The following UBAC2 variants were observed in gnomAD, a reference collection of about 807,000 sequenced individuals.
The protein encoded by UBAC2 is UBA domain containing 2.
In UBAC2, 26 loss-of-function variants were observed where a neutral mutation model predicts 44.0. The ratio of observed to expected loss-of-function variants is 0.59; its 90% CI spans 0.43 to 0.82. The LOEUF (loss-of-function observed/expected upper bound fraction) is 0.82. Among genes scored for constraint, UBAC2 ranks in the 40% least tolerant of loss-of-function variants. The probability of loss-of-function intolerance (pLI) is 0.00; values close to 1 mark genes in which losing one functional copy is unlikely to be tolerated. For missense variants in UBAC2, 329 were observed against 419.4 expected, an observed-to-expected ratio of 0.78 and a Z score of 1.88; for synonymous variants, 155 against 154.3, an observed-to-expected ratio of 1.00 and a Z score of -0.04.
At position 99,355,033 on chromosome 13, in the gene UBAC2, A is replaced by G. The variant is rs1348688354; in HGVS notation, c.808-12754A>G. 6.6e-5 allele frequency among the ~76,000 whole-genome samples: 10 copies of G among 152,224 alleles called. No homozygotes were observed. The East Asian group carries it at 1.9e-3, about 29-fold the overall frequency. On this transcript the variant is annotated intron_variant, in intron 7 of 8. Coordinates refer to ENST00000403766, the MANE Select transcript of UBAC2 (RefSeq NM_001144072.2). ...GCAGATAGGCAAGTGCGGGAATGAG[A>G]CTCAGGTGGTCACTGAAGACATGAA...
At chr13:99,254,977 CTA>C in intron 4 of UBAC2, 1 of 1,614,058 alleles carries the variant, frequency 6.2e-7, no homozygotes, top group East Asian at 2.2e-5. Context: ...TAGCATGACA[CTA>C]ATGACTCGAG....
At chr13:99,372,598 AAGAC>A (rs1025836495) in intron 8 of UBAC2, 1 of 152,320 alleles carries the variant, frequency 6.6e-6, no homozygotes, top group African/African-American at 2.4e-5. Context: ...CTGCTGGAGA[AAGAC>A]AGGTGGCGTC....
intron 4 of UBAC2, among the ~76,000 whole-genome samples, chr13:99,251,469 A>G (rs2043457326): frequency 1.3e-5 from 2 of 152,178 alleles, no homozygotes; most frequent in Non-Finnish European, 2.9e-5. Context: ...TACTGTCATT[A>G]TTATCCCAGT....
chr13:99,227,209 A>C (rs7322387), intron 1 of UBAC2, among the ~76,000 whole-genome samples: 38,200 of 151,608 alleles, frequency 0.25, 6,022 homozygotes, highest in Non-Finnish European at 0.35. Flanking sequence ...AAAAAAAAAA[A>C]AACAACAAAA....
At chr13:99,293,378 T>C (rs1278521586) in intron 4 of UBAC2, among the ~76,000 whole-genome samples, 1 of 152,156 alleles carries the variant, frequency 6.6e-6, no homozygotes, top group Admixed American at 6.5e-5. Context: ...TCTACTCCAG[T>C]GTAGTCACAG....
At chr13:99,261,137 T>C (rs767998124) in intron 4 of UBAC2, among the ~76,000 whole-genome samples, 1 of 152,224 alleles carries the variant, frequency 6.6e-6, no homozygotes, top group Non-Finnish European at 1.5e-5. Flanking sequence ...AGCTTATCCT[T>C]GTTGCCTCCC....
At chr13:99,264,530 C>T (rs2043715060) in intron 4 of UBAC2, among the ~76,000 whole-genome samples, 1 of 152,054 alleles carries the variant, frequency 6.6e-6, no homozygotes, top group South Asian at 2.1e-4. Flanking sequence ...TTAAATTTTT[C>T]CTGTCTTTAG....
intron 7 of UBAC2, among the ~76,000 whole-genome samples, chr13:99,352,612 T>A (rs1168544993): frequency 6.6e-6 from 1 of 151,506 alleles, no homozygotes; most frequent in Non-Finnish European, 1.5e-5. Flanking sequence ...CAGGCCAGCT[T>A]CCTTAGGAAG....
At chr13:99,351,854 G>A (rs727263) in intron 7 of UBAC2, 62,289 of 440,372 alleles carry the variant, frequency 0.14, 5,468 homozygotes, top group East Asian at 0.32. Context: ...GGTGTTAACT[G>A]GTTGATTATC....
intron 1 of UBAC2, among the ~76,000 whole-genome samples, chr13:99,227,181 A>G (rs1382317386): frequency 6.6e-6 from 1 of 151,804 alleles, no homozygotes; most frequent in African/African-American, 2.4e-5. Context: ...CCGGACAACA[A>G]GAGCGAAACT....
At chr13:99,223,988 A>G (rs1377314173) in intron 1 of UBAC2, among the ~76,000 whole-genome samples, 2 of 152,218 alleles carry the variant, frequency 1.3e-5, no homozygotes, top group East Asian at 1.9e-4. Flanking sequence ...ATAAATGTCA[A>G]TCAGGCCAAA....
At chr13:99,288,820 A>G (rs1055639664) in intron 4 of UBAC2, among the ~76,000 whole-genome samples, 1 of 152,240 alleles carries the variant, frequency 6.6e-6, no homozygotes, top group Non-Finnish European at 1.5e-5. Context: ...CTTAAAAACT[A>G]CAAATCATAT....
chr13:99,238,285 G>A, intron 1 of UBAC2, 142 bp from the exon 2 acceptor site: 3 of 1,060,240 alleles, frequency 2.8e-6, no homozygotes, highest in Non-Finnish European at 4.0e-6. Context: ...TTTTGAAAGT[G>A]GATATTAGAA....
intron 7 of UBAC2, among the ~76,000 whole-genome samples, chr13:99,344,015 C>A (rs1470668069): frequency 6.6e-6 from 1 of 152,182 alleles, no homozygotes; most frequent in East Asian, 1.9e-4. Flanking sequence ...AGTCCTTTTT[C>A]TTATGGAGCT....
At position 99,340,477 on chromosome 13, in the gene UBAC2, A is replaced by T; in HGVS notation, c.719A>T (p.Asp240Val). Residue 240 changes from aspartate to valine, a missense_variant, in exon 7 of 9, where the codon GAC becomes GTC. Coordinates refer to ENST00000403766, the MANE Select transcript of UBAC2 (RefSeq NM_001144072.2). The part of the protein sequence containing the change: ...EARIGMGATL[D>V]IQRQQRMELL... ...AGAATTGGGATGGGAGCCACGCTGG[A>T]CATCCAGAGACAGCAGAGAATGGAG... is the stretch of plus-strand genomic sequence containing the variant. The T allele has an allele frequency of 6.2e-7, 1 of 1,614,218 alleles. No homozygotes were observed. Among genetic ancestry groups the T allele is most frequent in the Non-Finnish European group, 8.5e-7 (1 of 1,180,040 alleles).
intron 1 of UBAC2, chr13:99,201,356 C>T (rs2142624027): frequency 1.9e-6 from 3 of 1,562,972 alleles, no homozygotes; most frequent in East Asian, 4.7e-5. Flanking sequence ...CTCCCCCCGC[C>T]CCCACTTGCA....
chr13:99,276,376 T>C (rs2043882608), intron 4 of UBAC2, among the ~76,000 whole-genome samples: 1 of 152,204 alleles, frequency 6.6e-6, no homozygotes, highest in African/African-American at 2.4e-5. Context: ...ACAAGGTCTG[T>C]ACCCCCACCA....
chr13:99,251,221 G>T (rs2142754924), intron 4 of UBAC2, among the ~76,000 whole-genome samples: 1 of 152,292 alleles, frequency 6.6e-6, no homozygotes, highest in South Asian at 2.1e-4. Flanking sequence ...TTTCTACATT[G>T]ATTTGGCATC....
At chr13:99,237,254 G>GTA (rs142568689) in intron 1 of UBAC2, among the ~76,000 whole-genome samples, 13,565 of 135,990 alleles carry the variant, frequency 0.1, 722 homozygotes, top group South Asian at 0.22. Flanking sequence ...AATTTTATGC[G>GTA]TATATATATA....
Sources: allele counts gnomAD v4.1 joint callset (sites outside exome capture counted in the v4.1 genomes callset), GRCh38; gene constraint gnomAD v4.1.1; transcripts MANE v1.5; gene names NCBI Gene and HGNC (gene_info 2026-07-23, HGNC 2026-07-21).